CLDN16: variants seen among roughly 807,000 people sequenced by gnomAD.
CLDN16 encodes the protein claudin 16.
A neutral mutation model predicts 24.6 loss-of-function variants in CLDN16; 13 were observed. That is an observed-to-expected ratio of 0.53 (90% CI 0.34 to 0.84). The LOEUF is 0.84. CLDN16 is among the 40% of genes least tolerant of loss of function. The pLI is 0.01. For missense variants in CLDN16, 298 were observed against 292.7 expected (o/e 1.02, Z -0.13); for synonymous variants, 116 against 106.7 (o/e 1.09, Z -0.54).
the CLDN16 span, among the ~76,000 whole-genome samples, chr3:190,311,434 C>T: frequency 1.3e-5 from 2 of 152,046 alleles, no homozygotes; most frequent in Non-Finnish European, 2.9e-5. Context: ...TTAAACTAAC[C>T]ACATCTTTAG....
chr3:190,396,690 A>G (rs1462323093), intron 1 of CLDN16, among the ~76,000 whole-genome samples: 1 of 152,188 alleles, frequency 6.6e-6, no homozygotes, highest in Middle Eastern at 3.2e-3. Context: ...TTGCACATAC[A>G]AAAGATAATG....
intron 1 of CLDN16, among the ~76,000 whole-genome samples, chr3:190,395,228 A>C (rs530978918): frequency 6.6e-6 from 1 of 152,230 alleles, no homozygotes; most frequent in South Asian, 2.1e-4. Context: ...CTAAGTTGGC[A>C]TTACCCATTT....
Position 190,348,335 on chromosome 3 carries a change from A to ATGTGTGTGTG in CLDN16, n.122-22537_122-22528dup, listed in dbSNP as rs57246894. 1.2e-3 allele frequency among the ~76,000 whole-genome samples: 172 copies of ATGTGTGTGTG among 138,444 alleles called. 1 individual carries two copies. Among genetic ancestry groups the ATGTGTGTGTG allele is most frequent in the East Asian group, 0.012 (56 of 4,600 alleles). 90.8% of individuals were successfully genotyped at this position (138,444 alleles called of 152,430 possible). A position where few individuals can be genotyped will look rare whatever the true frequency, so the allele number is the denominator to read the frequency against. On this transcript the variant is annotated intron_variant and non_coding_transcript_variant, in intron 1 of 4. Transcript: ENST00000468220. ...TGTCAAGGAAGACAGCAAGACTGCA[A>ATGTGTGTGTG]TGTGTGTGTGTGTGTGTGTGTGTGT... is the stretch of plus-strand genomic sequence containing the variant.
intron 1 of CLDN16, among the ~76,000 whole-genome samples, chr3:190,391,825 C>T (rs1718682983): frequency 6.6e-6 from 1 of 152,174 alleles, no homozygotes; most frequent in Non-Finnish European, 1.5e-5. Flanking sequence ...CACAACCCTA[C>T]ATCAGTGACT....
intron 1 of CLDN16, among the ~76,000 whole-genome samples, chr3:190,356,626 G>A (rs1717780104): frequency 6.6e-6 from 1 of 151,824 alleles, no homozygotes; most frequent in South Asian, 2.1e-4. Context: ...TAATAAAGCT[G>A]GCATTTAAAA....
intron 1 of CLDN16, among the ~76,000 whole-genome samples, chr3:190,341,668 T>G (rs1717438803): frequency 6.6e-6 from 1 of 152,224 alleles, no homozygotes; most frequent in South Asian, 2.1e-4. Flanking sequence ...TCATTAGTTA[T>G]GCAAATTTCT....
chr3:190,409,106 A>G (rs1403981915), intron 4 of CLDN16, among the ~76,000 whole-genome samples: 2 of 151,336 alleles, frequency 1.3e-5, no homozygotes, highest in Non-Finnish European at 2.9e-5. Context: ...GTTGCCCTTG[A>G]ACAATTGGAA....
upstream of CLDN16, among the ~76,000 whole-genome samples, chr3:190,383,502 T>A (rs1380587851): frequency 6.6e-6 from 1 of 152,148 alleles, no homozygotes; most frequent in Non-Finnish European, 1.5e-5. Flanking sequence ...ATAAAGAGAT[T>A]TGGCCTATGT....
upstream of CLDN16, chr3:190,387,876 T>C: frequency 1.8e-6 from 1 of 560,162 alleles, no homozygotes; most frequent in Non-Finnish European, 3.2e-6. Flanking sequence ...TGTAGCCTTC[T>C]TCCGAGTGGG....
intron 1 of CLDN16, among the ~76,000 whole-genome samples, chr3:190,347,935 G>A (rs1220620322): frequency 2.6e-5 from 4 of 151,812 alleles, no homozygotes; most frequent in Non-Finnish European, 4.4e-5. Context: ...GGTACAGGGC[G>A]AGGAATCGGT....
At chr3:190,309,247 T>C in the CLDN16 span, among the ~76,000 whole-genome samples, 1 of 152,214 alleles carries the variant, frequency 6.6e-6, no homozygotes, top group East Asian at 1.9e-4. Flanking sequence ...TGGCAATTTA[T>C]AAAGTGCTTT....
chr3:190,297,595 ATAATAT>A, the CLDN16 span, among the ~76,000 whole-genome samples: 4 of 140,440 alleles, frequency 2.8e-5, no homozygotes, highest in East Asian at 2.0e-4. Context: ...ATATATCTAT[ATAATAT>A]ATATCTATAA....
At chr3:190,356,482 A>G (rs189184694) in intron 1 of CLDN16, among the ~76,000 whole-genome samples, 94 of 151,980 alleles carry the variant, frequency 6.2e-4, no homozygotes, top group African/African-American at 2.2e-3. Flanking sequence ...GCCAGGCCCA[A>G]ATACCACTGT....
At position 190,363,596 on chromosome 3, in the gene CLDN16, A is replaced by T. The variant is rs902715811; in HGVS notation, n.122-7297A>T. Among the ~76,000 whole-genome samples, 40 of 131,122 alleles carry T rather than the reference A, an allele frequency of 3.1e-4. 1 individual carries two copies. Among genetic ancestry groups the T allele is most frequent in the Middle Eastern group, 3.9e-3 (1 of 256 alleles). The allele number at this position is 131,122 out of a possible 152,430, so 86.0% of individuals were successfully genotyped here. A position where few individuals can be genotyped will look rare whatever the true frequency, so the allele number is the denominator to read the frequency against. On this transcript the variant is annotated intron_variant and non_coding_transcript_variant, in intron 1 of 4. Coordinates refer to the CLDN16 transcript ENST00000468220. ...TATATATATATATATATATATATATATTTTCTTTCTCCTGTCTGGCAATTA... is the reference window on the plus strand; with the variant it reads ...TATATATATATATATATATATATATTTTTTCTTTCTCCTGTCTGGCAATTA...
At position 190,365,387 on chromosome 3, in the gene CLDN16, T is replaced by C. The variant is rs962719833; in HGVS notation, n.122-5506T>C. Among the ~76,000 whole-genome samples, 98 of 151,714 alleles carry C rather than the reference T, an allele frequency of 6.5e-4. 1 individual carries two copies. The highest frequency in any genetic ancestry group is 1.8e-4 in the Non-Finnish European group (12 of 67,820). Reference sequence around the variant, plus strand: ...CTTTATTGTATTGGCCAGTGAAGTGTCTTTTGGATTCTTCCATAGAATATA... The same window carrying C: ...CTTTATTGTATTGGCCAGTGAAGTGCCTTTTGGATTCTTCCATAGAATATA... On this transcript the variant is annotated intron_variant and non_coding_transcript_variant, in intron 1 of 4. Coordinates refer to the CLDN16 transcript ENST00000468220.
intron 1 of CLDN16, among the ~76,000 whole-genome samples, chr3:190,345,968 A>G (rs1717541818): frequency 6.6e-6 from 1 of 152,140 alleles, no homozygotes; most frequent in Non-Finnish European, 1.5e-5. Context: ...ACTGGACTAA[A>G]CCCAAATAAC....
chr3:190,347,322 G>T (rs1717572010), intron 1 of CLDN16, among the ~76,000 whole-genome samples: 1 of 152,172 alleles, frequency 6.6e-6, no homozygotes. Context: ...GTTTTTCTGG[G>T]TAGACCTCCT....
intron 1 of CLDN16, among the ~76,000 whole-genome samples, chr3:190,344,399 C>T (rs1462797575): frequency 6.6e-6 from 1 of 151,630 alleles, no homozygotes; most frequent in Non-Finnish European, 1.5e-5. Flanking sequence ...ATTATTTAAA[C>T]AGTCATTAAT....
At chr3:190,306,551 G>C in the CLDN16 span, 7 of 152,494 alleles carry the variant, frequency 4.6e-5, no homozygotes, top group African/African-American at 1.7e-4. Flanking sequence ...GGGAAGATCA[G>C]GAATTACAAA....
Sources: gnomAD v4.1 joint callset for allele counts (sites outside exome capture counted in the v4.1 genomes callset) on GRCh38, gnomAD v4.1.1 for gene constraint, MANE v1.5 for transcripts, NCBI Gene and HGNC (gene_info 2026-07-23, HGNC 2026-07-21) for gene names.